The following DCUN1D1 variants were observed in gnomAD, a reference collection of about 807,000 sequenced individuals.
DCUN1D1 encodes the protein defective in cullin neddylation 1 domain containing 1.
In DCUN1D1, 3 loss-of-function variants were observed where a neutral mutation model predicts 39.0. The ratio of observed to expected loss-of-function variants is 0.08; its 90% CI spans 0.04 to 0.20. The LOEUF is 0.20. Ranked by LOEUF, DCUN1D1 falls within the 10% of genes least tolerant of loss-of-function variation. The pLI is 1.00. For missense variants in DCUN1D1, 158 were observed against 302.4 expected, an observed-to-expected ratio of 0.52 and a Z score of 3.54; for synonymous variants, 82 against 96.3, an observed-to-expected ratio of 0.85 and a Z score of 0.87.
At chr3:182,975,624 A>T (rs1158267969) in intron 1 of DCUN1D1, among the ~76,000 whole-genome samples, 4 of 151,802 alleles carry the variant, frequency 2.6e-5, no homozygotes, top group African/African-American at 9.7e-5. Context: ...ACAAGGAAGA[A>T]ACCAGAGTAA....
chr3:182,972,799 G>A (rs1728011762), intron 1 of DCUN1D1, among the ~76,000 whole-genome samples: 1 of 152,188 alleles, frequency 6.6e-6, no homozygotes, highest in Non-Finnish European at 1.5e-5. Context: ...CCAGCACTCT[G>A]GGAGGCCAAG....
intron 4 of DCUN1D1, among the ~76,000 whole-genome samples, chr3:182,951,272 T>C (rs1726719680): frequency 6.6e-6 from 1 of 151,436 alleles, no homozygotes; most frequent in South Asian, 2.1e-4. Flanking sequence ...TGCTAGTATA[T>C]TTTTTTCCTT....
intron 6 of DCUN1D1, among the ~76,000 whole-genome samples, chr3:182,946,769 G>C (rs1726430375): frequency 2.0e-5 from 3 of 152,034 alleles, no homozygotes; most frequent in Admixed American, 2.0e-4. Flanking sequence ...GGAAACAGAA[G>C]AATATGGATT....
chr3:182,973,807 CAA>C (rs56747322), intron 1 of DCUN1D1, among the ~76,000 whole-genome samples: 3 of 88,484 alleles, frequency 3.4e-5, no homozygotes, highest in Non-Finnish European at 8.1e-5. Context: ...AACTCCGGCT[CAA>C]AAAAAAAAAA....
intron 1 of DCUN1D1, 25 bp downstream of exon 1, chr3:182,980,462 C>T (rs1728486469): frequency 3.5e-6 from 4 of 1,155,988 alleles, no homozygotes; most frequent in South Asian, 2.5e-5. Flanking sequence ...GCCGGCAGGG[C>T]GGGCGGGCGG....
intron 4 of DCUN1D1, among the ~76,000 whole-genome samples, chr3:182,954,263 A>C (rs140286949): frequency 2.6e-5 from 4 of 152,358 alleles, no homozygotes; most frequent in African/African-American, 9.6e-5. Context: ...AATCCAGGTG[A>C]AGAATACGCA....
In DCUN1D1 at chr3:182,964,058, A is replaced by G; in HGVS notation, c.221-9T>C. On this transcript the variant is annotated splice_polypyrimidine_tract_variant and intron_variant, in intron 2 of 6. Coordinates refer to ENST00000292782, the MANE Select transcript of DCUN1D1 (RefSeq NM_020640.4). The stretch of plus-strand genomic sequence containing the variant: ...ATTCTCATCTTGAGGGTCTTTAAAA[A>G]TAACAATGCAATATTAAAGTAGTGT... The G allele has an allele frequency of 6.2e-7, 1 of 1,606,392 alleles. No homozygotes were observed.
intron 1 of DCUN1D1, 36 bp downstream of exon 1, chr3:182,980,451 A>G (rs1345053424): frequency 5.4e-6 from 6 of 1,114,012 alleles, no homozygotes; most frequent in Non-Finnish European, 6.6e-6. Context: ...GCCGGCCCCC[A>G]GCCGGCAGGG....
intron 4 of DCUN1D1, chr3:182,955,929 C>CTTTT (rs71185615): frequency 2.3e-5 from 3 of 132,250 alleles, no homozygotes; most frequent in Non-Finnish European, 4.7e-5. Flanking sequence ...GCTTATCAAA[C>CTTTT]TTTTTTTTTT....
At chr3:182,977,592 C>T (rs1224620997) in intron 1 of DCUN1D1, among the ~76,000 whole-genome samples, 1 of 152,084 alleles carries the variant, frequency 6.6e-6, no homozygotes, top group Non-Finnish European at 1.5e-5. Flanking sequence ...CCCACCACCA[C>T]GCCTGGCTAA....
In DCUN1D1 at chr3:182,939,730, T is replaced by C. The variant is rs1726054571; in HGVS notation, c.*5364A>G. ...TAACCGCAGAGCAGCAGGAGTAAAT[T>C]TTGGGGGCTGATGGACATGTTCTAA... On this transcript the variant is annotated 3_prime_UTR_variant, in exon 7 of 7. Coordinates refer to ENST00000292782, the MANE Select transcript of DCUN1D1 (RefSeq NM_020640.4). 1 of 152,098 alleles carries C rather than the reference T, an allele frequency of 6.6e-6. No individual in the cohort carries two copies. Among genetic ancestry groups the C allele is most frequent in the African/African-American group, 2.4e-5 (1 of 41,392 alleles). 9.4% of individuals were successfully genotyped at this position (152,098 alleles called of 1,614,324 possible).
At chr3:182,955,328 A>G (rs1577170389) in intron 4 of DCUN1D1, 2 of 546,210 alleles carry the variant, frequency 3.7e-6, no homozygotes, top group South Asian at 1.4e-5. Context: ...AGCTTCTTCT[A>G]TGGTTGGAAC....
intron 2 of DCUN1D1, 58 bp downstream of exon 2, chr3:182,965,479 C>A: frequency 9.0e-7 from 1 of 1,115,244 alleles, no homozygotes. Context: ...TTCTCATAAG[C>A]CCATCTCTTT....
intron 6 of DCUN1D1, among the ~76,000 whole-genome samples, chr3:182,945,996 A>C (rs1726379096): frequency 6.6e-6 from 1 of 151,810 alleles, no homozygotes; most frequent in Non-Finnish European, 1.5e-5. Context: ...ATTCCAGGAC[A>C]CTTTTAAATG....
intron 1 of DCUN1D1, among the ~76,000 whole-genome samples, chr3:182,969,496 T>A (rs1162612631): frequency 1.3e-5 from 2 of 152,162 alleles, no homozygotes; most frequent in African/African-American, 4.8e-5. Context: ...GTGGGGAACT[T>A]CCCAAGAGCA....
chr3:182,973,411 T>C (rs142327193), intron 1 of DCUN1D1, among the ~76,000 whole-genome samples: 1 of 152,298 alleles, frequency 6.6e-6, no homozygotes, highest in Non-Finnish European at 1.5e-5. Context: ...CAAAGTGAAA[T>C]CACAGACAAG....
chr3:182,947,514 A>C (rs1726475095), intron 5 of DCUN1D1, 36 bp downstream of exon 5: 1 of 1,309,764 alleles, frequency 7.6e-7, no homozygotes, highest in Admixed American at 1.9e-5. Context: ...GCAGAATTTG[A>C]GAAAACAGAG....
At chr3:182,968,207 C>A (rs561895876) in intron 1 of DCUN1D1, among the ~76,000 whole-genome samples, 1 of 152,194 alleles carries the variant, frequency 6.6e-6, no homozygotes, top group South Asian at 2.1e-4. Flanking sequence ...CTGTGCCTGG[C>A]CTGGAAATTA....
chr3:182,967,195 G>C (rs1164851286), intron 1 of DCUN1D1, among the ~76,000 whole-genome samples: 1 of 150,516 alleles, frequency 6.6e-6, no homozygotes, highest in Admixed American at 6.6e-5. Context: ...GAGAGCCCCA[G>C]ATTCCCTCAT....
Sources: allele counts gnomAD v4.1 joint callset (sites outside exome capture counted in the v4.1 genomes callset), GRCh38; gene constraint gnomAD v4.1.1; transcripts MANE v1.5; gene names NCBI Gene and HGNC (gene_info 2026-07-23, HGNC 2026-07-21).